The following COL6A6 variants were observed in gnomAD, a reference collection of about 807,000 sequenced individuals.
COL6A6 encodes collagen type VI alpha 6 chain.
A neutral mutation model predicts 208.6 loss-of-function variants in COL6A6; 183 were observed. The ratio of observed to expected loss-of-function variants is 0.88; its 90% CI spans 0.78 to 0.99. COL6A6 has a LOEUF of 0.99. Among genes scored for constraint, COL6A6 ranks in the 50% least tolerant of loss-of-function variants. The pLI, the probability that COL6A6 is intolerant of heterozygous loss-of-function variation, is 0.00. For missense variants in COL6A6, 2,816 were observed against 2,815.2 expected (o/e 1.00, Z -0.01); for synonymous variants, 973 against 1,011.8 (o/e 0.96, Z 0.73).
chr3:130,640,557 T>C (rs1269078892), intron 28 of COL6A6, among the ~76,000 whole-genome samples: 1 of 152,240 alleles, frequency 6.6e-6, no homozygotes, highest in African/African-American at 2.4e-5. Flanking sequence ...AATCATTATT[T>C]ACTGTTTTAT....
At chr3:130,625,340 G>A (rs181038401) in intron 24 of COL6A6, among the ~76,000 whole-genome samples, 6 of 152,286 alleles carry the variant, frequency 3.9e-5, no homozygotes, top group Admixed American at 1.3e-4. Flanking sequence ...TTAAGTGTAG[G>A]TTGCACATAC....
rs1027132069 is a variant in COL6A6 at position 130,563,612 on chromosome 3, C to T, written c.609C>T (p.Ile203=). Residue 203 remains isoleucine, a synonymous_variant, in exon 3 of 37, where the codon ATC becomes ATT. Coordinates refer to ENST00000358511, the MANE Select transcript of COL6A6 (RefSeq NM_001102608.3). ...SMFSQNMTHI[I]KDVIKYKEGA... ...TTTCCCAAAACATGACACACATCAT[C>T]AAGGATGTAATAAAGTACAAGGAGG... 1.9e-6 allele frequency: 3 copies of T among 1,613,770 alleles called. No individual in the cohort carries two copies. Among genetic ancestry groups the T allele is most frequent in the African/African-American group, 2.7e-5 (2 of 74,918 alleles).
chr3:130,565,605 C>T lies in COL6A6; in HGVS notation c.1273C>T (p.Leu425Phe). 1 of 1,610,200 alleles carries T rather than the reference C, an allele frequency of 6.2e-7. No homozygotes were observed. The highest frequency in any genetic ancestry group is 8.5e-7 in the Non-Finnish European group (1 of 1,178,184). Reference protein sequence around the residue: ...VSVFSERTETLKSGCVDTEEA... With the variant: ...VSVFSERTETFKSGCVDTEEA... Reference sequence around the variant, plus strand: ...TGTCTTTTCAGAGAGGACTGAAACGCTCAAATCTGGTAAGGTCTTCTGCTG... The same window carrying T: ...TGTCTTTTCAGAGAGGACTGAAACGTTCAAATCTGGTAAGGTCTTCTGCTG... Residue 425 changes from leucine to phenylalanine, a missense_variant, in exon 4 of 37, where the codon CTC becomes TTC. Leu to Phe is a conservative substitution (Grantham distance 22). Coordinates refer to ENST00000358511, the MANE Select transcript of COL6A6 (RefSeq NM_001102608.3).
intron 23 of COL6A6, among the ~76,000 whole-genome samples, chr3:130,616,567 A>AAG (rs1253838338): frequency 6.6e-6 from 1 of 151,856 alleles, no homozygotes; most frequent in Non-Finnish European, 1.5e-5. Context: ...AAAAAAAAAA[A>AAG]AAAGGATGGA....
intron 23 of COL6A6, among the ~76,000 whole-genome samples, chr3:130,612,645 G>A (rs1306897764): frequency 3.3e-5 from 5 of 152,176 alleles, no homozygotes; most frequent in Non-Finnish European, 5.9e-5. Context: ...GCGCAACACA[G>A]GGTTGACAGC....
chr3:130,666,708 A>G (rs1270426252), intron 36 of COL6A6, among the ~76,000 whole-genome samples: 1 of 152,220 alleles, frequency 6.6e-6, no homozygotes, highest in Non-Finnish European at 1.5e-5. Context: ...TTTTAGAGAC[A>G]AAATGAAATG....
chr3:130,625,552 A>G (rs969892702), intron 24 of COL6A6, among the ~76,000 whole-genome samples: 2 of 152,180 alleles, frequency 1.3e-5, no homozygotes, highest in Non-Finnish European at 2.9e-5. Context: ...CCCCAAACCC[A>G]TAAGCCCAGT....
At chr3:130,649,004 C>A in intron 32 of COL6A6, 65 bp from the exon 33 acceptor site, 4 of 1,293,396 alleles carry the variant, frequency 3.1e-6, no homozygotes, top group South Asian at 1.9e-5. Context: ...AATTACTTTG[C>A]CTTCTATGTA....
chr3:130,604,430 G>A (rs535651078), intron 20 of COL6A6, among the ~76,000 whole-genome samples: 8 of 151,496 alleles, frequency 5.3e-5, no homozygotes, highest in African/African-American at 1.9e-4. Flanking sequence ...GGGAAGCGGA[G>A]CTTGCAGTGA....
At chr3:130,657,788 G>C (rs576872377) in intron 33 of COL6A6, among the ~76,000 whole-genome samples, 2 of 152,178 alleles carry the variant, frequency 1.3e-5, no homozygotes, top group Admixed American at 1.3e-4. Context: ...ATTAATTATG[G>C]TGATGGGGGA....
chr3:130,622,349 C>T (rs2064751960), intron 24 of COL6A6, among the ~76,000 whole-genome samples: 2 of 151,984 alleles, frequency 1.3e-5, no homozygotes, highest in Non-Finnish European at 2.9e-5. Context: ...TGATTCCATC[C>T]TCCATGCTTA....
chr3:130,552,096 T>C (rs534315405), intron 1 of COL6A6, among the ~76,000 whole-genome samples: 1 of 152,350 alleles, frequency 6.6e-6, no homozygotes, highest in East Asian at 1.9e-4. Flanking sequence ...CATGTGGTGA[T>C]GAAAATAATG....
chr3:130,638,769 T>C (rs2108351865), intron 28 of COL6A6, among the ~76,000 whole-genome samples: 1 of 152,362 alleles, frequency 6.6e-6, no homozygotes, highest in South Asian at 2.1e-4. Context: ...TCCTCCATTA[T>C]TTCTAACTTC....
At chr3:130,620,156 C>T (rs955806451) in intron 23 of COL6A6, among the ~76,000 whole-genome samples, 1 of 151,958 alleles carries the variant, frequency 6.6e-6, no homozygotes, top group Non-Finnish European at 1.5e-5. Context: ...TGTTACTCAG[C>T]CTTTTAATAT....
intron 24 of COL6A6, among the ~76,000 whole-genome samples, chr3:130,622,213 T>TCCC (rs1559760963): frequency 7.6e-5 from 6 of 79,400 alleles, no homozygotes; most frequent in East Asian, 4.2e-4. Context: ...ACCCCCCCCT[T>TCCC]TTTTTTTTTC....
chr3:130,520,954 C>G (rs957823642), intron 1 of COL6A6, among the ~76,000 whole-genome samples: 11 of 152,216 alleles, frequency 7.2e-5, no homozygotes, highest in Admixed American at 3.3e-4. Flanking sequence ...AAATTTTTCC[C>G]CAAATGCTCA....
chr3:130,673,220 A>AAAAAAAC (rs1553724906), intron 36 of COL6A6, among the ~76,000 whole-genome samples: 15 of 129,638 alleles, frequency 1.2e-4, no homozygotes, highest in African/African-American at 4.4e-4. Context: ...AAAAAAACAA[A>AAAAAAAC]AAAAAAAAAC....
At chr3:130,524,105 G>A (rs2061905967) in intron 1 of COL6A6, among the ~76,000 whole-genome samples, 1 of 152,164 alleles carries the variant, frequency 6.6e-6, no homozygotes, top group Admixed American at 6.5e-5. Flanking sequence ...CTCAGGAACC[G>A]AGATGTACAT....
chr3:130,550,792 C>G (rs993632577), intron 1 of COL6A6, among the ~76,000 whole-genome samples: 2 of 152,298 alleles, frequency 1.3e-5, no homozygotes, highest in Admixed American at 6.5e-5. Context: ...GGTGGTGACA[C>G]AGCCAAACCA....
Sources: allele counts gnomAD v4.1 joint callset (sites outside exome capture counted in the v4.1 genomes callset), GRCh38; gene constraint gnomAD v4.1.1; transcripts MANE v1.5; gene names NCBI Gene and HGNC (gene_info 2026-07-23, HGNC 2026-07-21).